LSAMP: variants seen among roughly 807,000 people sequenced by gnomAD.
The protein encoded by LSAMP is limbic system associated membrane protein, also known as limbic system-associated membrane protein.
A neutral mutation model predicts 38.6 loss-of-function variants in LSAMP; 7 were observed. The ratio of observed to expected loss-of-function variants is 0.18; its 90% confidence interval spans 0.10 to 0.34. The LOEUF is 0.34. Among genes scored for constraint, LSAMP ranks in the 10% least tolerant of loss-of-function variants. The probability of loss-of-function intolerance (pLI) is 1.00; values close to 1 mark genes in which losing one functional copy is unlikely to be tolerated. For synonymous variants in LSAMP, 154 were observed against 166.8 expected (o/e 0.92, Z 0.59); for missense variants, 313 against 420.0 (o/e 0.75, Z 2.23).
At chr3:115,999,106 C>A (rs1407240917) in intron 3 of LSAMP, among the ~76,000 whole-genome samples, 2 of 152,110 alleles carry the variant, frequency 1.3e-5, no homozygotes, top group Non-Finnish European at 1.5e-5. Flanking sequence ...CAAAACAAAT[C>A]CCTTGAAAAG....
chr3:116,287,246 G>A (rs138741594), intron 1 of LSAMP, among the ~76,000 whole-genome samples: 75 of 152,110 alleles, frequency 4.9e-4, no homozygotes, highest in Non-Finnish European at 8.8e-4. Flanking sequence ...CTAACATGTT[G>A]GCATGGTTTT....
chr3:116,270,556 T>C (rs1429501752), intron 1 of LSAMP, among the ~76,000 whole-genome samples: 2 of 152,138 alleles, frequency 1.3e-5, no homozygotes, highest in Non-Finnish European at 2.9e-5. Flanking sequence ...AATAATAAAA[T>C]GAAACATTGG....
chr3:116,313,918 C>T (rs1347090132), intron 1 of LSAMP, among the ~76,000 whole-genome samples: 1 of 152,228 alleles, frequency 6.6e-6, no homozygotes, highest in Non-Finnish European at 1.5e-5. Context: ...CACACCATTG[C>T]ACTCCAGCCT....
intron 1 of LSAMP, among the ~76,000 whole-genome samples, chr3:116,145,535 A>G (rs1174779687): frequency 6.6e-6 from 1 of 151,948 alleles, no homozygotes; most frequent in Non-Finnish European, 1.5e-5. Flanking sequence ...AACTGATTGA[A>G]TGAGGTCCAA....
intron 1 of LSAMP, among the ~76,000 whole-genome samples, chr3:116,140,512 A>G (rs1709346763): frequency 6.6e-6 from 1 of 152,042 alleles, no homozygotes; most frequent in Non-Finnish European, 1.5e-5. Flanking sequence ...ATTGGCCAGA[A>G]TAACTGGATC....
chr3:116,359,430 T>C (rs1172222949), intron 1 of LSAMP, among the ~76,000 whole-genome samples: 1 of 152,190 alleles, frequency 6.6e-6, no homozygotes, highest in Non-Finnish European at 1.5e-5. Context: ...CATAGACATC[T>C]TGGTAAAACC....
intron 1 of LSAMP, among the ~76,000 whole-genome samples, chr3:116,268,756 T>C (rs904257002): frequency 6.6e-6 from 1 of 152,104 alleles, no homozygotes; most frequent in African/African-American, 2.4e-5. Flanking sequence ...TTGTTGCTCA[T>C]TTGTTGCTTA....
chr3:116,137,022 A>G (rs951195952), intron 1 of LSAMP, among the ~76,000 whole-genome samples: 1 of 152,128 alleles, frequency 6.6e-6, no homozygotes, highest in Non-Finnish European at 1.5e-5. Flanking sequence ...GTTTTAGGGA[A>G]GAATCCTTCT....
At chr3:116,058,341 A>G (rs1941529157) in intron 2 of LSAMP, among the ~76,000 whole-genome samples, 1 of 152,144 alleles carries the variant, frequency 6.6e-6, no homozygotes, top group Non-Finnish European at 1.5e-5. Flanking sequence ...GAGAGGTGGA[A>G]TATGAGATGG....
chr3:115,979,416 T>C (rs910041883), intron 3 of LSAMP, among the ~76,000 whole-genome samples: 2 of 152,164 alleles, frequency 1.3e-5, no homozygotes, highest in Non-Finnish European at 2.9e-5. Context: ...TGCAAAACTT[T>C]TATTATATCC....
intron 1 of LSAMP, among the ~76,000 whole-genome samples, chr3:116,113,614 A>G (rs1708674727): frequency 1.3e-5 from 2 of 150,220 alleles, no homozygotes; most frequent in Admixed American, 1.3e-4. Context: ...TTTAGTAGAG[A>G]CGGGGTTTCA....
chr3:116,384,445 G>A (rs1185939856), intron 1 of LSAMP, among the ~76,000 whole-genome samples: 1 of 152,196 alleles, frequency 6.6e-6, no homozygotes, highest in East Asian at 1.9e-4. Flanking sequence ...AGAATTTTTG[G>A]AAGTGGGACC....
chr3:116,146,139 G>T (rs1287319007), intron 1 of LSAMP, among the ~76,000 whole-genome samples: 1 of 151,772 alleles, frequency 6.6e-6, no homozygotes, highest in East Asian at 1.9e-4. Context: ...TTCTTCTAGG[G>T]AGCAGGCTTT....
At chr3:116,357,269 C>A (rs897877399) in intron 1 of LSAMP, among the ~76,000 whole-genome samples, 20 of 152,234 alleles carry the variant, frequency 1.3e-4, no homozygotes, top group East Asian at 3.9e-4. Flanking sequence ...AGAATTCACT[C>A]ATTTAATTAA....
chr3:116,340,084 ATTTGCCAGTTCTAGC>A (rs2107751683), intron 1 of LSAMP, among the ~76,000 whole-genome samples: 1 of 152,174 alleles, frequency 6.6e-6, no homozygotes, highest in South Asian at 2.1e-4. Flanking sequence ...GGATTAGAGA[ATTTGCCAGTTCTAGC>A]TCTGTCACTC....
intron 3 of LSAMP, among the ~76,000 whole-genome samples, chr3:115,911,572 A>G (rs9843177): frequency 0.44 from 66,438 of 151,832 alleles, 14,904 homozygotes; most frequent in African/African-American, 0.54. Context: ...TCAAACTCCC[A>G]GGCTTAAGTA....
intron 1 of LSAMP, among the ~76,000 whole-genome samples, chr3:116,358,547 C>A (rs1018175987): frequency 5.3e-5 from 8 of 152,114 alleles, no homozygotes; most frequent in Non-Finnish European, 8.8e-5. Context: ...AAAGTTACAT[C>A]TGATAGCAAT....
At chr3:116,321,148 C>T (rs2047700977) in intron 1 of LSAMP, among the ~76,000 whole-genome samples, 1 of 152,154 alleles carries the variant, frequency 6.6e-6, no homozygotes, top group African/African-American at 2.4e-5. Flanking sequence ...GTGGTAGGAT[C>T]ACTTGAGCCT....
At chr3:116,245,041 A>G (rs1254118885) in intron 1 of LSAMP, among the ~76,000 whole-genome samples, 1 of 152,188 alleles carries the variant, frequency 6.6e-6, no homozygotes, top group Non-Finnish European at 1.5e-5. Flanking sequence ...TGAAGTCTTC[A>G]TCCTCAGTAG....
Sources: allele counts gnomAD v4.1 joint callset (sites outside exome capture counted in the v4.1 genomes callset), GRCh38; gene constraint gnomAD v4.1.1; transcripts MANE v1.5; gene names NCBI Gene and HGNC (gene_info 2026-07-23, HGNC 2026-07-21).